PDSS2: variants seen among roughly 807,000 people sequenced by gnomAD.
PDSS2 encodes the protein all trans-polyprenyl-diphosphate synthase PDSS2.
PDSS2 carries 31 observed loss-of-function variants against 44.5 expected under a neutral mutation model. The observed-to-expected ratio is 0.70, with a 90% CI of 0.52 to 0.94. PDSS2 has a LOEUF of 0.94. Ranked by LOEUF, PDSS2 falls within the 40% of genes least tolerant of loss-of-function variation. The pLI is 0.00. For missense variants in PDSS2, 452 were observed against 482.2 expected, an observed-to-expected ratio of 0.94 and a Z score of 0.59; for synonymous variants, 157 against 180.3, an observed-to-expected ratio of 0.87 and a Z score of 1.03.
rs147797578 is a variant in PDSS2, at chr6:107,208,567, T to G, written c.1008+1872A>C. 2.2e-4 allele frequency among the ~76,000 whole-genome samples: 33 copies of G among 150,176 alleles called. No individual in the cohort carries two copies. The East Asian group carries it at 5.9e-3, about 27-fold the overall frequency. On this transcript the variant is annotated intron_variant, in intron 6 of 7. Coordinates refer to ENST00000369037, the MANE Select transcript of PDSS2 (RefSeq NM_020381.4). ...CCCCTTGGCCTCCCAAGTGCTCAGA[T>G]TACTGGGATTACAGACATGAGCCAC...
chr6:107,376,994 T>C (rs1413528877), intron 1 of PDSS2, among the ~76,000 whole-genome samples: 4 of 151,398 alleles, frequency 2.6e-5, no homozygotes, highest in Non-Finnish European at 5.9e-5. Flanking sequence ...ACTTCATGTC[T>C]AAAACACCAA....
chr6:107,320,066 T>A (rs553021721), intron 2 of PDSS2, among the ~76,000 whole-genome samples: 11 of 152,204 alleles, frequency 7.2e-5, no homozygotes, highest in Admixed American at 7.2e-4. Flanking sequence ...CTCGCCTTCA[T>A]TGGGAACACA....
At chr6:107,206,652 C>T (rs182299281) in intron 6 of PDSS2, among the ~76,000 whole-genome samples, 96 of 151,948 alleles carry the variant, frequency 6.3e-4, no homozygotes, top group African/African-American at 2.1e-3. Context: ...AACACATGAA[C>T]ACTAATGGTA....
chr6:107,200,735 C>T (rs1293659912), intron 6 of PDSS2, among the ~76,000 whole-genome samples: 2 of 151,974 alleles, frequency 1.3e-5, no homozygotes, highest in Non-Finnish European at 2.9e-5. Flanking sequence ...AGCGTGATTT[C>T]GGCTCACTGC....
intron 3 of PDSS2, among the ~76,000 whole-genome samples, chr6:107,271,938 C>A (rs1775611938): frequency 6.6e-6 from 1 of 152,000 alleles, no homozygotes. Context: ...GCTGTATGCA[C>A]CTGTGGTCCC....
At chr6:107,402,479 C>CATAT (rs35496296) in intron 1 of PDSS2, among the ~76,000 whole-genome samples, 1 of 43,370 alleles carries the variant, frequency 2.3e-5, no homozygotes, top group African/African-American at 1.1e-4. Flanking sequence ...TATATGTATA[C>CATAT]ATATATACGT....
intron 1 of PDSS2, among the ~76,000 whole-genome samples, chr6:107,387,675 T>C (rs1779652061): frequency 6.6e-6 from 1 of 152,174 alleles, no homozygotes; most frequent in African/African-American, 2.4e-5. Flanking sequence ...ATATCCACAG[T>C]TATTCTGCAG....
At chr6:107,325,706 A>G (rs1380770587) in intron 2 of PDSS2, among the ~76,000 whole-genome samples, 1 of 152,176 alleles carries the variant, frequency 6.6e-6, no homozygotes, top group African/African-American at 2.4e-5. Context: ...TAGGGTTTCT[A>G]AGCTAACTAC....
At chr6:107,360,601 G>C (rs969804368) in intron 1 of PDSS2, among the ~76,000 whole-genome samples, 1 of 152,162 alleles carries the variant, frequency 6.6e-6, no homozygotes, top group Non-Finnish European at 1.5e-5. Flanking sequence ...GATAACTGAT[G>C]AATTTCGAAA....
At chr6:107,313,218 T>C (rs1477621052) in intron 2 of PDSS2, among the ~76,000 whole-genome samples, 1 of 152,230 alleles carries the variant, frequency 6.6e-6, no homozygotes, top group Non-Finnish European at 1.5e-5. Flanking sequence ...GCATATAAAC[T>C]AAGAGTATAC....
At chr6:107,310,681 A>T (rs1221253859) in intron 2 of PDSS2, among the ~76,000 whole-genome samples, 7 of 152,286 alleles carry the variant, frequency 4.6e-5, no homozygotes, top group African/African-American at 1.7e-4. Context: ...CTTTCTATGA[A>T]GAGAGTATTT....
At chr6:107,429,575 G>A (rs1010847689) in intron 1 of PDSS2, among the ~76,000 whole-genome samples, 12 of 151,872 alleles carry the variant, frequency 7.9e-5, no homozygotes, top group African/African-American at 1.9e-4. Flanking sequence ...AACACATAGC[G>A]GCCATGAAGA....
intron 2 of PDSS2, among the ~76,000 whole-genome samples, chr6:107,291,986 C>CT (rs1169417615): frequency 6.6e-6 from 1 of 152,070 alleles, no homozygotes; most frequent in Non-Finnish European, 1.5e-5. Context: ...AGCACACACA[C>CT]TAAGCAATTG....
chr6:107,249,327 T>C (rs1199825410), intron 3 of PDSS2, among the ~76,000 whole-genome samples: 1 of 152,214 alleles, frequency 6.6e-6, no homozygotes, highest in Non-Finnish European at 1.5e-5. Flanking sequence ...ATTTTTAAAA[T>C]TGTGTGCCTA....
intron 1 of PDSS2, among the ~76,000 whole-genome samples, chr6:107,358,957 CTTAA>C (rs901864013): frequency 1.4e-4 from 21 of 148,418 alleles, no homozygotes; most frequent in African/African-American, 3.2e-4. Flanking sequence ...GTGATACATG[CTTAA>C]TATCATCTAG....
intron 2 of PDSS2, among the ~76,000 whole-genome samples, chr6:107,313,235 GT>G (rs1277883049): frequency 1.3e-5 from 2 of 152,078 alleles, no homozygotes; most frequent in Non-Finnish European, 2.9e-5. Context: ...ATACTTCCTT[GT>G]TCAGAAGTTC....
At chr6:107,308,308 T>G (rs966837049) in intron 2 of PDSS2, among the ~76,000 whole-genome samples, 7 of 152,344 alleles carry the variant, frequency 4.6e-5, no homozygotes, top group African/African-American at 1.7e-4. Context: ...ACCTAGATTA[T>G]CTGATTATAA....
chr6:107,457,989 A>G (rs1782099803), intron 1 of PDSS2, among the ~76,000 whole-genome samples: 1 of 152,182 alleles, frequency 6.6e-6, no homozygotes, highest in African/African-American at 2.4e-5. Context: ...AAATATATAG[A>G]AAGATATATA....
At chr6:107,229,582 T>A (rs1356017072) in intron 4 of PDSS2, among the ~76,000 whole-genome samples, 1 of 152,200 alleles carries the variant, frequency 6.6e-6, no homozygotes, top group African/African-American at 2.4e-5. Context: ...AACTCACTGA[T>A]TCCCTCTTTC....
Sources: allele counts gnomAD v4.1 joint callset (sites outside exome capture counted in the v4.1 genomes callset), GRCh38; gene constraint gnomAD v4.1.1; transcripts MANE v1.5; gene names NCBI Gene and HGNC (gene_info 2026-07-23, HGNC 2026-07-21).